OCIAD1: variants seen among roughly 807,000 people sequenced by gnomAD.
OCIAD1 encodes OCIA domain-containing protein 1.
Under a neutral mutation model 38.9 loss-of-function variants are expected in OCIAD1, and 29 were observed. That is an observed-to-expected ratio of 0.74 (90% CI 0.55 to 1.02). The LOEUF is 1.02. Among genes scored for constraint, OCIAD1 ranks in the 50% least tolerant of loss-of-function variants. The pLI is 0.00. For missense variants in OCIAD1, 288 were observed against 289.6 expected (o/e 0.99, Z 0.04); for synonymous variants, 110 against 92.0 (o/e 1.20, Z -1.12).
intron 7 of OCIAD1, among the ~76,000 whole-genome samples, chr4:48,854,940 A>G (rs1322731955): frequency 6.6e-6 from 1 of 152,232 alleles, no homozygotes; most frequent in African/African-American, 2.4e-5. Flanking sequence ...TTAGATTTAA[A>G]TCAGTGCCAC....
chr4:48,847,382 C>T (rs1779062266), intron 4 of OCIAD1, among the ~76,000 whole-genome samples: 1 of 151,876 alleles, frequency 6.6e-6, no homozygotes, highest in Non-Finnish European at 1.5e-5. Flanking sequence ...TTATTTTTTC[C>T]CCACTCTGTT....
chr4:48,833,592 C>A, intron 3 of OCIAD1, 111 bp downstream of exon 3: 1 of 646,356 alleles, frequency 1.5e-6, no homozygotes, highest in South Asian at 2.0e-5. Context: ...AATTGGCAAA[C>A]TTTTTGCATA....
intron 2 of OCIAD1, 60 bp downstream of exon 2, chr4:48,832,742 G>A (rs1389444631): frequency 8.6e-6 from 11 of 1,274,950 alleles, no homozygotes. Context: ...AATTTTCACT[G>A]CCTTGAGTAA....
upstream of OCIAD1, among the ~76,000 whole-genome samples, chr4:48,828,688 G>A (rs879652248): frequency 2.0e-5 from 3 of 152,156 alleles, no homozygotes; most frequent in Admixed American, 1.3e-4. Flanking sequence ...CACTGCGAAG[G>A]TCTGCAGCTT....
intron 4 of OCIAD1, among the ~76,000 whole-genome samples, chr4:48,844,298 G>A (rs2712155): frequency 0.98 from 149,396 of 152,168 alleles, 73,393 homozygotes; most frequent in East Asian, 1. Flanking sequence ...TGAAGAGGAG[G>A]AAGTTTTTTA....
At chr4:48,838,233 G>T (rs543339572) in intron 3 of OCIAD1, among the ~76,000 whole-genome samples, 1 of 151,434 alleles carries the variant, frequency 6.6e-6, no homozygotes, top group Non-Finnish European at 1.5e-5. Context: ...CAGGAGAATC[G>T]CTTGAACCCG....
intron 1 of OCIAD1, among the ~76,000 whole-genome samples, chr4:48,819,258 G>A (rs981652200): frequency 6.6e-6 from 1 of 151,894 alleles, no homozygotes; most frequent in African/African-American, 2.4e-5. Context: ...AGAAGAGAGT[G>A]CAGGCCAACA....
At chr4:48,849,374 T>C (rs1179683466) in intron 5 of OCIAD1, among the ~76,000 whole-genome samples, 1 of 152,150 alleles carries the variant, frequency 6.6e-6, no homozygotes, top group Non-Finnish European at 1.5e-5. Context: ...AGGCTTTTCA[T>C]GAGTCTTTCA....
chr4:48,848,633 G>C, intron 5 of OCIAD1, 187 bp downstream of exon 5: 1 of 391,802 alleles, frequency 2.6e-6, no homozygotes, highest in Non-Finnish European at 4.5e-6. Context: ...AAAATCATCA[G>C]TTGAAATAGG....
chr4:48,840,146 C>G (rs1406717645), intron 3 of OCIAD1, among the ~76,000 whole-genome samples: 1 of 152,164 alleles, frequency 6.6e-6, no homozygotes, highest in Admixed American at 6.5e-5. Flanking sequence ...AGAAGCTATG[C>G]AAAGACATTG....
At chr4:48,831,809 C>T (rs1322699808) in intron 1 of OCIAD1, among the ~76,000 whole-genome samples, 2 of 152,088 alleles carry the variant, frequency 1.3e-5, no homozygotes, top group African/African-American at 2.4e-5. Context: ...GCCTTCATGG[C>T]TTATTGACTG....
chr4:48,812,282 CAAAAAAAAAAAAAAAAAA>C (rs397881494), intron 1 of OCIAD1, among the ~76,000 whole-genome samples: 439 of 25,098 alleles, frequency 0.017, 8 homozygotes, highest in African/African-American at 0.08. Flanking sequence ...GAGTTGGTCT[CAAAAAAAAAAAAAAAAAA>C]AAAAAAAAAA....
intron 1 of OCIAD1, among the ~76,000 whole-genome samples, chr4:48,813,050 C>T (rs1294550309): frequency 1.3e-5 from 2 of 152,156 alleles, no homozygotes; most frequent in Middle Eastern, 3.2e-3. Flanking sequence ...GGAAAACATA[C>T]TATACGGGTA....
chr4:48,850,087 G>C lies in OCIAD1; in HGVS notation c.377+5G>C. On this transcript the variant is annotated splice_donor_5th_base_variant and intron_variant, in intron 6 of 8. Transcript: ENST00000264312. ...ACGACGATCTTCACCACCTGGGTAG[G>C]CCAGATTCTGATCTTTACTTAAGAT... is the stretch of plus-strand genomic sequence containing the variant. 6.2e-7 allele frequency: 1 copy of C among 1,609,118 alleles called. No homozygotes were observed. Among genetic ancestry groups the C allele is most frequent in the Non-Finnish European group, 8.5e-7 (1 of 1,178,678 alleles).
intron 1 of OCIAD1, among the ~76,000 whole-genome samples, chr4:48,815,221 G>A (rs1387418694): frequency 6.6e-6 from 1 of 152,194 alleles, no homozygotes; most frequent in Admixed American, 6.5e-5. Context: ...ACTGAGGCAG[G>A]AGAATTGCTT....
Position 48,832,482 on chromosome 4 carries a change from A to G in OCIAD1, c.-5-138A>G, listed in dbSNP as rs1777594923. ...TAGCTATTTACATGTGGAGTACGTA[A>G]GATATAGTAGTGTTTAATAAATATT... On this transcript the variant is annotated intron_variant, in intron 1 of 8. Coordinates refer to ENST00000264312, the MANE Select transcript of OCIAD1 (RefSeq NM_017830.4). 2.1e-5 allele frequency: 14 copies of G among 661,722 alleles called. No homozygotes were observed. In the South Asian group the frequency reaches 2.4e-4, roughly 11 times the overall value. 41.0% of individuals were successfully genotyped at this position (661,722 alleles called of 1,614,324 possible).
In OCIAD1 at chr4:48,861,770, T is replaced by G. The variant is rs1780605135; in HGVS notation, c.*1008T>G. On this transcript the variant is annotated 3_prime_UTR_variant, in exon 9 of 9. Transcript: ENST00000264312. ...AGGTAAATGCCTTAAAAAGCATTTT[T>G]AAAGAATTTGTAAATTCTAAAACAA... The G allele has an allele frequency of 6.6e-6, 1 of 152,208 alleles. No individual in the cohort carries two copies. Among genetic ancestry groups the G allele is most frequent in the Non-Finnish European group, 1.5e-5 (1 of 68,032 alleles). 9.4% of individuals were successfully genotyped at this position (152,208 alleles called of 1,614,324 possible).
At chr4:48,852,629 C>A (rs941345274) in intron 7 of OCIAD1, 1 of 152,116 alleles carries the variant, frequency 6.6e-6, no homozygotes, top group Non-Finnish European at 1.5e-5. Context: ...ATTATAACTA[C>A]TTTATGATCC....
intron 7 of OCIAD1, among the ~76,000 whole-genome samples, chr4:48,854,762 G>A (rs1779859208): frequency 2.6e-5 from 4 of 152,186 alleles, no homozygotes; most frequent in Admixed American, 2.0e-4. Flanking sequence ...GCAGTGGCCT[G>A]CTTTTGCTTT....
Sources: gnomAD v4.1 joint callset for allele counts (sites outside exome capture counted in the v4.1 genomes callset) on GRCh38, gnomAD v4.1.1 for gene constraint, MANE v1.5 for transcripts, NCBI Gene and HGNC (gene_info 2026-07-23, HGNC 2026-07-21) for gene names.